Variants in MYO6 observed in about 807,000 individuals in gnomAD.
MYO6 encodes unconventional myosin-VI.
Under a neutral mutation model 178.7 loss-of-function variants are expected in MYO6, and 74 were observed. The observed-to-expected ratio is 0.41, with a 90% CI of 0.34 to 0.50. The LOEUF (loss-of-function observed/expected upper bound fraction) is 0.50. Ranked by LOEUF, MYO6 falls within the 20% of genes least tolerant of loss-of-function variation. The pLI is 0.09. For synonymous variants in MYO6, 477 were observed against 504.6 expected, an observed-to-expected ratio of 0.95 and a Z score of 0.73; for missense variants, 1,330 against 1,547.4, an observed-to-expected ratio of 0.86 and a Z score of 2.36.
rs112143137 is a variant in MYO6 at position 75,760,951 on chromosome 6, AT to A, written c.-48+11536del. On this transcript the variant is annotated intron_variant, in intron 1 of 34. Coordinates refer to ENST00000369977, the MANE Select transcript of MYO6 (RefSeq NM_004999.4). ...GAGAACTTTTCTCTTCTTCCTTGTT[AT>A]TTTTTTTCTAAAATTAGATGAACCA... Among the ~76,000 whole-genome samples, 175 of 151,246 alleles carry A rather than the reference AT, an allele frequency of 1.2e-3. 1 individual carries two copies. The highest frequency in any genetic ancestry group is 3.9e-3 in the African/African-American group (161 of 41,196).
intron 5 of MYO6, among the ~76,000 whole-genome samples, chr6:75,832,030 T>A (rs1410740757): frequency 6.6e-6 from 1 of 152,170 alleles, no homozygotes; most frequent in Non-Finnish European, 1.5e-5. Context: ...TGAGAAATAG[T>A]TGTCTTATAG....
intron 1 of MYO6, among the ~76,000 whole-genome samples, chr6:75,791,514 C>A (rs1768247709): frequency 6.6e-6 from 1 of 152,014 alleles, no homozygotes; most frequent in East Asian, 1.9e-4. Context: ...ATGTGCTATT[C>A]CAAGTGGTTA....
chr6:75,885,452 CTTTT>C (rs1297597470), intron 23 of MYO6, among the ~76,000 whole-genome samples: 1 of 144,274 alleles, frequency 6.9e-6, no homozygotes, highest in Non-Finnish European at 1.5e-5. Context: ...ATGAGAATCT[CTTTT>C]TTTTTTTTTT....
chr6:75,751,183 A>T (rs1029932513), intron 1 of MYO6, among the ~76,000 whole-genome samples: 6 of 152,220 alleles, frequency 3.9e-5, no homozygotes, highest in Non-Finnish European at 7.3e-5. Flanking sequence ...ACTTTTATAT[A>T]TACAGCTCAT....
In MYO6 at chr6:75,917,059, G is replaced by A. The variant is rs1011697843; in HGVS notation, c.*2047G>A. On this transcript the variant is annotated 3_prime_UTR_variant, in exon 35 of 35. Coordinates refer to ENST00000369977, the MANE Select transcript of MYO6 (RefSeq NM_004999.4). ...ATAGATTTACAGTAACCTACGTACA[G>A]TAGATGCACATACACACAGACACCC... 6.6e-6 allele frequency: 1 copy of A among 152,306 alleles called. No individual in the cohort carries two copies. The highest frequency in any genetic ancestry group is 2.4e-5 in the African/African-American group (1 of 41,460). The allele number at this position is 152,306 out of a possible 1,614,324, so 9.4% of individuals were successfully genotyped here. A position where few individuals can be genotyped will look rare whatever the true frequency, so the allele number is the denominator to read the frequency against.
In MYO6 at chr6:75,898,369, G is replaced by A. The variant is rs772225124; in HGVS notation, c.3138-4G>A. 1.9e-6 allele frequency: 3 copies of A among 1,602,876 alleles called. No homozygotes were observed. In the African/African-American group the frequency reaches 4.0e-5, roughly 21 times the overall value. ...ACCATATTGTATTATCGTTTTTCTTGTAGGGAACAAATGGCCAAAGAAATG... is the reference window on the plus strand; with the variant it reads ...ACCATATTGTATTATCGTTTTTCTTATAGGGAACAAATGGCCAAAGAAATG... On this transcript the variant is annotated splice_region_variant and splice_polypyrimidine_tract_variant and intron_variant, in intron 29 of 34. Coordinates refer to ENST00000369977, the MANE Select transcript of MYO6 (RefSeq NM_004999.4).
chr6:75,820,057 G>C (rs980484040), intron 2 of MYO6, among the ~76,000 whole-genome samples: 3 of 152,116 alleles, frequency 2.0e-5, no homozygotes, highest in Non-Finnish European at 4.4e-5. Flanking sequence ...AAAAAAGAAA[G>C]CTATTTTAAT....
At position 75,840,527 on chromosome 6, in the gene MYO6, A is replaced by G. The variant is rs1774115439; in HGVS notation, c.554-58A>G. 3 of 1,098,254 alleles carry G rather than the reference A, an allele frequency of 2.7e-6. 1 individual carries two copies. The South Asian group carries it at 3.7e-5, about 14-fold the overall frequency. 68.0% of individuals were successfully genotyped at this position (1,098,254 alleles called of 1,614,324 possible). A position where few individuals can be genotyped will look rare whatever the true frequency, so the allele number is the denominator to read the frequency against. ...ATTAACAAATGGAGATATACCATGC[A>G]TATTTTGTAATGTTCCGTCATGCTA... On this transcript the variant is annotated intron_variant, in intron 7 of 34. Transcript: ENST00000369977.
At chr6:75,822,073 CTT>C (rs1168800118) in intron 2 of MYO6, among the ~76,000 whole-genome samples, 4 of 142,064 alleles carry the variant, frequency 2.8e-5, no homozygotes, top group Non-Finnish European at 6.2e-5. Context: ...TTTTTTCTGT[CTT>C]TTTTTTTTGA....
rs552401002 is a variant in MYO6 at position 75,865,986 on chromosome 6, T to TG, written c.1675-539dup. 2.7e-4 allele frequency among the ~76,000 whole-genome samples: 41 copies of TG among 152,310 alleles called. No homozygotes were observed. In the East Asian group the frequency reaches 7.7e-3, roughly 29 times the overall value. On this transcript the variant is annotated intron_variant, in intron 16 of 34. Coordinates refer to ENST00000369977, the MANE Select transcript of MYO6 (RefSeq NM_004999.4). Reference sequence around the variant, plus strand: ...TTGATCCTTTTGTAGTTCATAAGCCTGATGATTGGATTTTCATGCTCATGT... The same window carrying TG: ...TTGATCCTTTTGTAGTTCATAAGCCTGGATGATTGGATTTTCATGCTCATGT...
At chr6:75,836,459 T>A (rs990101834) in intron 7 of MYO6, among the ~76,000 whole-genome samples, 1 of 152,224 alleles carries the variant, frequency 6.6e-6, no homozygotes, top group African/African-American at 2.4e-5. Context: ...ACTACCATTA[T>A]GTTGAATCTC....
At chr6:75,814,308 G>A (rs2150156163) in intron 1 of MYO6, among the ~76,000 whole-genome samples, 1 of 152,246 alleles carries the variant, frequency 6.6e-6, no homozygotes. Flanking sequence ...GAGAGTTGAA[G>A]ACTGGTTTTG....
chr6:75,830,003 C>A (rs929966517), intron 4 of MYO6, among the ~76,000 whole-genome samples: 1 of 151,996 alleles, frequency 6.6e-6, no homozygotes, highest in Non-Finnish European at 1.5e-5. Context: ...TAAAACTTAG[C>A]GGTAGGAGAT....
intron 2 of MYO6, 49 bp downstream of exon 2, chr6:75,817,713 T>G: frequency 1.9e-6 from 3 of 1,540,132 alleles, no homozygotes; most frequent in Non-Finnish European, 2.7e-6. Context: ...CAAAAATAGG[T>G]GTTTTTTTTC....
chr6:75,773,556 C>T (rs1486423908), intron 1 of MYO6, among the ~76,000 whole-genome samples: 3 of 152,162 alleles, frequency 2.0e-5, no homozygotes, highest in Non-Finnish European at 4.4e-5. Flanking sequence ...AGTTGTTTGC[C>T]TGCTATGTAG....
chr6:75,891,177 G>A (rs902613128), intron 26 of MYO6, 51 bp from the exon 27 acceptor site: 1 of 1,278,640 alleles, frequency 7.8e-7, no homozygotes, highest in Non-Finnish European at 1.1e-6. Context: ...GCCTTCTGAA[G>A]GATTCTTTAT....
intron 1 of MYO6, among the ~76,000 whole-genome samples, chr6:75,753,311 A>G (rs1193739032): frequency 1.3e-5 from 2 of 152,090 alleles, no homozygotes; most frequent in Non-Finnish European, 2.9e-5. Context: ...ACCACCTAAT[A>G]TAAATTAGTA....
In MYO6 at chr6:75,863,448, G is replaced by A. The variant is rs555677019; in HGVS notation, c.1674+725G>A. Among the ~76,000 whole-genome samples the A allele has an allele frequency of 2.0e-5, 3 of 152,040 alleles. No individual in the cohort carries two copies. In the East Asian group the frequency reaches 5.8e-4, roughly 29 times the overall value. On this transcript the variant is annotated intron_variant, in intron 16 of 34. Transcript: ENST00000369977. ...CAGACAGCAGTAGAAACAAATGAGA[G>A]GTGCACTCTAAAAGGCCAGAAGACC...
intron 11 of MYO6, among the ~76,000 whole-genome samples, chr6:75,853,818 T>G (rs1227524335): frequency 6.6e-6 from 1 of 152,184 alleles, no homozygotes; most frequent in Non-Finnish European, 1.5e-5. Flanking sequence ...TTTATTATAA[T>G]GCAAATAAAT....
Sources: gnomAD v4.1 joint callset for allele counts (sites outside exome capture counted in the v4.1 genomes callset) on GRCh38, gnomAD v4.1.1 for gene constraint, MANE v1.5 for transcripts, NCBI Gene and HGNC (gene_info 2026-07-23, HGNC 2026-07-21) for gene names.